The following NAALADL2 variants were observed in gnomAD, a reference collection of about 807,000 sequenced individuals.
The protein encoded by NAALADL2 is N-acetylated alpha-linked acidic dipeptidase like 2.
In NAALADL2, 76 loss-of-function variants were observed where a neutral mutation model predicts 87.2. That is an observed-to-expected ratio of 0.87 (90% CI 0.72 to 1.05). The LOEUF is 1.05. Ranked by LOEUF, NAALADL2 falls within the 50% of genes least tolerant of loss-of-function variation. NAALADL2 has a pLI of 0.00. For missense variants in NAALADL2, 1,089 were observed against 945.8 expected, an observed-to-expected ratio of 1.15 and a Z score of -1.99; for synonymous variants, 354 against 331.0, an observed-to-expected ratio of 1.07 and a Z score of -0.75.
intron 2 of NAALADL2, among the ~76,000 whole-genome samples, chr3:175,160,889 A>G (rs1030059640): frequency 2.6e-5 from 4 of 151,998 alleles, no homozygotes; most frequent in Non-Finnish European, 5.9e-5. Context: ...CATGAAATTA[A>G]TATTTATTTC....
chr3:174,709,480 A>G (rs1730418269), intron 2 of NAALADL2, among the ~76,000 whole-genome samples: 1 of 152,150 alleles, frequency 6.6e-6, no homozygotes, highest in Non-Finnish European at 1.5e-5. Context: ...CTGAAAAACA[A>G]CTCCAAGAAG....
At chr3:175,378,037 G>A (rs748784321) in intron 5 of NAALADL2, among the ~76,000 whole-genome samples, 44 of 152,136 alleles carry the variant, frequency 2.9e-4, no homozygotes, top group Non-Finnish European at 5.4e-4. Context: ...AGATAAAAGA[G>A]GGCCCTCTGA....
chr3:175,423,028 A>AAAAAAAAAAATATAT (rs1438736874), intron 5 of NAALADL2, among the ~76,000 whole-genome samples: 68 of 111,270 alleles, frequency 6.1e-4, no homozygotes, highest in African/African-American at 2.2e-3. Context: ...GAAAAAAAAA[A>AAAAAAAAAAATATAT]ATATATATAT....
At chr3:175,155,193 G>A (rs1202068117) in intron 2 of NAALADL2, among the ~76,000 whole-genome samples, 2 of 152,120 alleles carry the variant, frequency 1.3e-5, no homozygotes, top group Non-Finnish European at 2.9e-5. Context: ...GGTGGGGCCT[G>A]GGTATCAGCA....
chr3:174,598,756 A>G (rs964306799), intron 2 of NAALADL2, among the ~76,000 whole-genome samples: 1 of 152,210 alleles, frequency 6.6e-6, no homozygotes, highest in Non-Finnish European at 1.5e-5. Context: ...ACTATAGAAA[A>G]AAAGTACATA....
At chr3:175,355,282 G>T (rs141520055) in intron 5 of NAALADL2, among the ~76,000 whole-genome samples, 1 of 151,870 alleles carries the variant, frequency 6.6e-6, no homozygotes, top group African/African-American at 2.4e-5. Flanking sequence ...GCCCAGGCTG[G>T]TCTCGAACTC....
intron 2 of NAALADL2, among the ~76,000 whole-genome samples, chr3:175,226,785 A>G (rs910369210): frequency 1.3e-5 from 2 of 152,124 alleles, no homozygotes; most frequent in Non-Finnish European, 2.9e-5. Flanking sequence ...AGGCTACGGG[A>G]TGCTGCCTTT....
intron 9 of NAALADL2, chr3:175,487,702 G>A (rs1168085700): frequency 3.1e-6 from 1 of 325,324 alleles, no homozygotes; most frequent in Admixed American, 4.3e-5. Flanking sequence ...TTAGTACAAT[G>A]TCTTCTTAAA....
chr3:175,675,017 T>A (rs1369525741), intron 11 of NAALADL2: 2 of 152,206 alleles, frequency 1.3e-5, no homozygotes, highest in Non-Finnish European at 2.9e-5. Context: ...CTTTGTGTGA[T>A]AAACCCAAAT....
chr3:175,724,548 AATAACATGTATTGC>A (rs1326438775), intron 11 of NAALADL2, among the ~76,000 whole-genome samples: 1 of 152,186 alleles, frequency 6.6e-6, no homozygotes, highest in Admixed American at 6.5e-5. Context: ...TGCAATCTGC[AATAACATGTATTGC>A]ATTTAGAGCC....
chr3:175,484,181 G>C (rs1726915653), intron 9 of NAALADL2, among the ~76,000 whole-genome samples: 2 of 152,018 alleles, frequency 1.3e-5, no homozygotes, highest in Non-Finnish European at 2.9e-5. Context: ...AAGTTTATCT[G>C]TTAGGAAAAC....
chr3:174,912,098 C>T (rs1289223233), intron 1 of NAALADL2, among the ~76,000 whole-genome samples: 1 of 152,014 alleles, frequency 6.6e-6, no homozygotes, highest in Non-Finnish European at 1.5e-5. Context: ...TCTGTAGCCT[C>T]TCTCTGACAA....
chr3:174,905,243 G>A (rs1238468705), intron 1 of NAALADL2, among the ~76,000 whole-genome samples: 1 of 150,076 alleles, frequency 6.7e-6, no homozygotes, highest in Non-Finnish European at 1.5e-5. Flanking sequence ...TTATGCGTGT[G>A]TTGTATCATT....
rs922377967 is a variant in NAALADL2 at position 175,697,871 on chromosome 3, A to G, written c.1897-39435A>G. 1.3e-3 allele frequency among the ~76,000 whole-genome samples: 143 copies of G among 113,486 alleles called. 12 individuals are homozygous for G. The highest frequency in any genetic ancestry group is 4.7e-3 in the African/African-American group (132 of 28,282). 74.5% of individuals were successfully genotyped at this position (113,486 alleles called of 152,430 possible). A position where few individuals can be genotyped will look rare whatever the true frequency, so the allele number is the denominator to read the frequency against. On this transcript the variant is annotated intron_variant, in intron 11 of 13. Transcript: ENST00000454872. ...CATATATATGTGTATATATGTATGT[A>G]TACATATATATGTGTATATATGTAT... is the stretch of plus-strand genomic sequence containing the variant.
chr3:174,714,884 A>G (rs1055601167), intron 2 of NAALADL2, among the ~76,000 whole-genome samples: 2 of 152,170 alleles, frequency 1.3e-5, no homozygotes, highest in Non-Finnish European at 2.9e-5. Context: ...CGAGTTTTCA[A>G]AGGGAATGCT....
At chr3:174,836,931 T>C (rs1202587175) in intron 3 of NAALADL2, among the ~76,000 whole-genome samples, 3 of 152,130 alleles carry the variant, frequency 2.0e-5, no homozygotes, top group Non-Finnish European at 1.5e-5. Context: ...TCAACAAATA[T>C]GTATTACATA....
chr3:175,662,727 T>C (rs553069704), intron 11 of NAALADL2, among the ~76,000 whole-genome samples: 8 of 152,140 alleles, frequency 5.3e-5, no homozygotes, highest in African/African-American at 1.9e-4. Context: ...TATCAAATGC[T>C]TTATCAGCAT....
In NAALADL2 at chr3:175,809,156, T is replaced by G. The variant is rs564487342; in HGVS notation, c.*5953T>G. The stretch of plus-strand genomic sequence containing the variant: ...AATGCTATTACTCTCTAAACAGAAC[T>G]TTAGCATATCTGTTTGATAAGAAAT... On this transcript the variant is annotated 3_prime_UTR_variant, in exon 14 of 14. Transcript: ENST00000454872. 1 of 152,030 alleles carries G rather than the reference T, an allele frequency of 6.6e-6. No homozygotes were observed. The highest frequency in any genetic ancestry group is 1.5e-5 in the Non-Finnish European group (1 of 67,976). 9.4% of individuals were successfully genotyped at this position (152,030 alleles called of 1,614,324 possible). A position where few individuals can be genotyped will look rare whatever the true frequency, so the allele number is the denominator to read the frequency against.
At chr3:175,799,814 C>T (rs9835615) in intron 13 of NAALADL2, among the ~76,000 whole-genome samples, 23,664 of 152,028 alleles carry the variant, frequency 0.16, 2,337 homozygotes, top group East Asian at 0.31. Flanking sequence ...TATTTATGTA[C>T]ATACATAAAT....
Sources: gnomAD v4.1 joint callset for allele counts (sites outside exome capture counted in the v4.1 genomes callset) on GRCh38, gnomAD v4.1.1 for gene constraint, MANE v1.5 for transcripts, NCBI Gene and HGNC (gene_info 2026-07-23, HGNC 2026-07-21) for gene names.